The following STK32A variants were observed in gnomAD, a reference collection of about 807,000 sequenced individuals.
STK32A encodes the protein serine/threonine kinase 32A, also known as serine/threonine-protein kinase 32A.
Under a neutral mutation model 53.2 loss-of-function variants are expected in STK32A, and 41 were observed. That is an observed-to-expected ratio of 0.77 (90% confidence interval 0.60 to 1.00). The LOEUF is 1.00. Among genes scored for constraint, STK32A ranks in the 50% least tolerant of loss-of-function variants. STK32A has a pLI of 0.00. For synonymous variants in STK32A, 166 were observed against 162.8 expected (o/e 1.02, Z -0.15); for missense variants, 458 against 485.8 (o/e 0.94, Z 0.54).
chr5:147,367,494 C>G (rs745438892), intron 8 of STK32A, among the ~76,000 whole-genome samples: 2 of 151,884 alleles, frequency 1.3e-5, no homozygotes, highest in African/African-American at 4.8e-5. Context: ...GGGCTGAGTC[C>G]GAAAAGAGAA....
chr5:147,307,481 T>C (rs7706182), intron 4 of STK32A, among the ~76,000 whole-genome samples: 122,825 of 151,866 alleles, frequency 0.81, 50,196 homozygotes, highest in African/African-American at 0.92. Flanking sequence ...ATTAGCCGGG[T>C]GTAATGGCAC....
intron 4 of STK32A, among the ~76,000 whole-genome samples, chr5:147,296,833 T>A (rs1417751130): frequency 6.6e-6 from 1 of 152,162 alleles, no homozygotes; most frequent in East Asian, 1.9e-4. Flanking sequence ...GCCTGCCTAC[T>A]GTAACAGACC....
At chr5:147,243,651 G>C (rs1177564421) in intron 2 of STK32A, among the ~76,000 whole-genome samples, 1 of 149,566 alleles carries the variant, frequency 6.7e-6, no homozygotes, top group East Asian at 2.0e-4. Flanking sequence ...TGAGGCAGGA[G>C]AATCTCTTGA....
intron 4 of STK32A, among the ~76,000 whole-genome samples, chr5:147,313,656 G>A (rs138371665): frequency 6.6e-6 from 1 of 152,190 alleles, no homozygotes; most frequent in Non-Finnish European, 1.5e-5. Context: ...AAGTTGGAGG[G>A]CTCATACTTT....
chr5:147,376,611 T>C (rs1757242150), intron 11 of STK32A, among the ~76,000 whole-genome samples: 1 of 152,160 alleles, frequency 6.6e-6, no homozygotes, highest in Admixed American at 6.6e-5. Context: ...CACATCCTTG[T>C]ACTATCCCAC....
chr5:147,314,334 C>T (rs1753850822), intron 4 of STK32A, among the ~76,000 whole-genome samples: 1 of 151,702 alleles, frequency 6.6e-6, no homozygotes, highest in Non-Finnish European at 1.5e-5. Context: ...CCTGTCTCTA[C>T]TAAAAATATA....
chr5:147,371,449 C>G (rs1757000914), intron 9 of STK32A, among the ~76,000 whole-genome samples: 2 of 152,030 alleles, frequency 1.3e-5, no homozygotes, highest in Admixed American at 1.3e-4. Context: ...TTTCTTTTCT[C>G]CTTCTTCACT....
At chr5:147,276,776 CG>C (rs1355939122) in intron 2 of STK32A, among the ~76,000 whole-genome samples, 6 of 152,078 alleles carry the variant, frequency 3.9e-5, no homozygotes, top group Non-Finnish European at 1.5e-5. Flanking sequence ...ATGTTAAGTA[CG>C]TAAACAGCTT....
At chr5:147,346,359 C>T (rs1263614194) in intron 6 of STK32A, among the ~76,000 whole-genome samples, 1 of 152,144 alleles carries the variant, frequency 6.6e-6, no homozygotes, top group Non-Finnish European at 1.5e-5. Context: ...CTCTCTGGTG[C>T]CCCCTATGCG....
chr5:147,375,115 C>T lies in STK32A; in HGVS notation c.929C>T (p.Thr310Ile). The T allele has an allele frequency of 6.2e-7, 1 of 1,607,970 alleles. No homozygotes were observed. The highest frequency in any genetic ancestry group is 8.5e-7 in the Non-Finnish European group (1 of 1,177,730). ...PNKGRLNCDP[T>I]FELEEMILES... ...AAAGGCAGGCTGAATTGTGATCCTA[C>T]CTTTGAACTTGAGGAAATGATTTTG... is the stretch of plus-strand genomic sequence containing the variant. Residue 310 changes from threonine (T) to isoleucine (I), a missense_variant, in exon 11 of 13, where the codon ACC becomes ATC. Physicochemically the swap from Thr to Ile is moderately conservative, Grantham distance 89. Transcript: ENST00000397936.
At chr5:147,341,530 C>A (rs571761441) in intron 5 of STK32A, among the ~76,000 whole-genome samples, 1 of 152,188 alleles carries the variant, frequency 6.6e-6, no homozygotes, top group African/African-American at 2.4e-5. Context: ...GGCTGGAGTG[C>A]AATGGCTAGT....
At chr5:147,332,755 G>A (rs1438757631) in intron 5 of STK32A, among the ~76,000 whole-genome samples, 1 of 152,160 alleles carries the variant, frequency 6.6e-6, no homozygotes, top group Non-Finnish European at 1.5e-5. Context: ...AGGGTATTAG[G>A]TTGATGTGTT....
chr5:147,235,679 G>T (rs1411954649), intron 1 of STK32A, among the ~76,000 whole-genome samples: 1 of 152,192 alleles, frequency 6.6e-6, no homozygotes, highest in African/African-American at 2.4e-5. Context: ...ACAGCAAGAT[G>T]CAAAATATAT....
downstream of STK32A, chr5:147,392,597 A>G (rs1757843709): frequency 6.6e-6 from 1 of 152,266 alleles, no homozygotes; most frequent in African/African-American, 2.4e-5. Flanking sequence ...TCTTGCTCAC[A>G]GGACTTGCTC....
At chr5:147,347,209 G>A (rs1281944094) in intron 6 of STK32A, among the ~76,000 whole-genome samples, 1 of 152,078 alleles carries the variant, frequency 6.6e-6, no homozygotes, top group African/African-American at 2.4e-5. Context: ...CTCAGGCTGT[G>A]CACAGGAGCA....
At chr5:147,290,569 T>G (rs957301284) in intron 4 of STK32A, among the ~76,000 whole-genome samples, 1 of 152,174 alleles carries the variant, frequency 6.6e-6, no homozygotes, top group African/African-American at 2.4e-5. Context: ...ATTAAACCTG[T>G]AGCTGCACAC....
chr5:147,259,734 CCT>C (rs1275611884), intron 2 of STK32A, among the ~76,000 whole-genome samples: 1 of 151,956 alleles, frequency 6.6e-6, no homozygotes, highest in Non-Finnish European at 1.5e-5. Flanking sequence ...TTTCTGACTC[CCT>C]CTTTGTAGCT....
intron 7 of STK32A, among the ~76,000 whole-genome samples, chr5:147,360,361 G>T (rs371293612): frequency 1.3e-5 from 2 of 150,322 alleles, no homozygotes; most frequent in South Asian, 4.2e-4. Context: ...CAAGGTTGGA[G>T]GATCACTTGA....
chr5:147,390,124 T>C (rs994287263), downstream of STK32A, among the ~76,000 whole-genome samples: 1 of 152,168 alleles, frequency 6.6e-6, no homozygotes, highest in African/African-American at 2.4e-5. Flanking sequence ...GATTCAGCAG[T>C]GTTTCCCTCA....
Sources: gnomAD v4.1 joint callset for allele counts (sites outside exome capture counted in the v4.1 genomes callset) on GRCh38, gnomAD v4.1.1 for gene constraint, MANE v1.5 for transcripts, NCBI Gene and HGNC (gene_info 2026-07-23, HGNC 2026-07-21) for gene names.